IL17RA: variants seen among roughly 807,000 people sequenced by gnomAD.
IL17RA encodes the protein interleukin-17 receptor A.
A neutral mutation model predicts 50.4 loss-of-function variants in IL17RA; 34 were observed. The ratio of observed to expected loss-of-function variants is 0.67; its 90% CI spans 0.51 to 0.90. The LOEUF (loss-of-function observed/expected upper bound fraction) is 0.90. Among genes scored for constraint, IL17RA ranks in the 40% least tolerant of loss-of-function variants. The probability of loss-of-function intolerance (pLI) is 0.00; values close to 1 mark genes in which losing one functional copy is unlikely to be tolerated. For synonymous variants in IL17RA, 585 were observed against 510.4 expected (o/e 1.15, Z -1.97); for missense variants, 1,276 against 1,169.8 (o/e 1.09, Z -1.32).
At position 17,109,179 on chromosome 22, in the gene IL17RA, C is replaced by T. The variant is rs2061428477; in HGVS notation, c.1960C>T (p.Leu654=). ...GAAVAKLEPH[L]QPRGQPAPQP... ...AGCAGTGGCAAAGCTGGAACCTCAC[C>T]TGCAGCCCCGGGGTCAGCCAGCGCC... Residue 654 remains leucine (L), a synonymous_variant, in exon 13 of 13, where the codon CTG becomes TTG. Transcript: ENST00000319363. 2 of 1,525,072 alleles carry T rather than the reference C, an allele frequency of 1.3e-6. No homozygotes were observed. The highest frequency in any genetic ancestry group is 2.0e-5 in the Admixed American group (1 of 50,428). The allele number at this position is 1,525,072 out of a possible 1,614,324, so 94.5% of individuals were successfully genotyped here.
At chr22:17,087,016 C>T (rs2061330586) in intron 1 of IL17RA, among the ~76,000 whole-genome samples, 1 of 152,210 alleles carries the variant, frequency 6.6e-6, no homozygotes, top group Non-Finnish European at 1.5e-5. Flanking sequence ...TGAAGAGAGA[C>T]ACTTGCTGTT....
At position 17,108,690 on chromosome 22, in the gene IL17RA, A is replaced by G. The variant is rs1337156520; in HGVS notation, c.1471A>G (p.Lys491Glu). Residue 491 changes from lysine to glutamate, a missense_variant, in exon 13 of 13, where the codon AAG becomes GAG. Lys to Glu is a moderately conservative substitution (Grantham distance 56). Coordinates refer to ENST00000319363, the MANE Select transcript of IL17RA (RefSeq NM_014339.7). Reference protein sequence around the residue: ...AAMNMILPDFKRPACFGTYVV... With the variant: ...AAMNMILPDFERPACFGTYVV... ...CATGAACATGATCCTCCCGGACTTCAAGAGGCCAGCCTGCTTCGGCACCTA... is the reference window on the plus strand; with the variant it reads ...CATGAACATGATCCTCCCGGACTTCGAGAGGCCAGCCTGCTTCGGCACCTA... The G allele has an allele frequency of 6.2e-7, 1 of 1,609,354 alleles. No homozygotes were observed. The highest frequency in any genetic ancestry group is 8.5e-7 in the Non-Finnish European group (1 of 1,179,860).
chr22:17,089,088 G>A (rs1279844124), intron 1 of IL17RA, among the ~76,000 whole-genome samples: 2 of 151,844 alleles, frequency 1.3e-5, no homozygotes, highest in East Asian at 1.9e-4. Flanking sequence ...GAGCCAATGC[G>A]CCTGGCCAAT....
At chr22:17,104,483 G>A (rs1181720865) in intron 8 of IL17RA, among the ~76,000 whole-genome samples, 1 of 152,090 alleles carries the variant, frequency 6.6e-6, no homozygotes, top group Non-Finnish European at 1.5e-5. Flanking sequence ...GTGGCACCAA[G>A]CACCACTACC....
chr22:17,098,796 G>T lies in IL17RA; in HGVS notation c.332G>T (p.Gly111Val). The change falls in exon 4 of 13, where the codon GGT (glycine) becomes GTT (valine). Residue 111 changes from glycine (G) to valine (V), a missense_variant. Gly to Val is a moderately radical substitution (Grantham distance 109, BLOSUM62 -3). Transcript: ENST00000319363. ...GCAGCCAGCATCCTGTACCTCGAGG[G>T]TGCAGAGTTATCTGTCCTGCAGCTG... ...QTDASILYLEGAELSVLQLNT... is the reference protein window; with the variant it reads ...QTDASILYLEVAELSVLQLNT... 1 of 1,614,142 alleles carries T rather than the reference G, an allele frequency of 6.2e-7. No individual in the cohort carries two copies. Among genetic ancestry groups the T allele is most frequent in the Non-Finnish European group, 8.5e-7 (1 of 1,179,990 alleles).
rs1186749135 is a variant in IL17RA, at chr22:17,085,229, G to A, written c.138G>A (p.Pro46=). The part of the protein sequence containing the change: ...LDHRALVCSQ[P]GLNCTVKNST... ...ACCGGGCGCTGGTCTGCTCCCAGCCGGTGAGACTCGACGTGGGGAGCGGTA... is the reference window on the plus strand; with the variant it reads ...ACCGGGCGCTGGTCTGCTCCCAGCCAGTGAGACTCGACGTGGGGAGCGGTA... The change falls in exon 1 of 13, where the codon CCG becomes CCA. Residue 46 remains proline, a splice_region_variant and synonymous_variant. Transcript: ENST00000319363. 1 of 1,538,378 alleles carries A rather than the reference G, an allele frequency of 6.5e-7. No individual in the cohort carries two copies. The highest frequency in any genetic ancestry group is 8.7e-7 in the Non-Finnish European group (1 of 1,146,104).
At position 17,109,291 on chromosome 22, in the gene IL17RA, C is replaced by T. The variant is rs1449114324; in HGVS notation, c.2072C>T (p.Ala691Val). The part of the protein sequence containing the change: ...VEPGPLADGA[A>V]VRLALAGEGE... ...CCTGGGCCCCTGGCTGACGGTGCCG[C>T]AGTCCGGCTGGCACTGGCGGGGGAG... The change falls in exon 13 of 13, where the codon GCA becomes GTA. Residue 691 changes from alanine (A) to valine (V), a missense_variant. Ala to Val is a moderately conservative substitution (Grantham distance 64). Coordinates refer to ENST00000319363, the MANE Select transcript of IL17RA (RefSeq NM_014339.7). 5 of 1,527,822 alleles carry T rather than the reference C, an allele frequency of 3.3e-6. No individual in the cohort carries two copies. Among genetic ancestry groups the T allele is most frequent in the Non-Finnish European group, 4.4e-6 (5 of 1,141,732 alleles). 94.6% of individuals were successfully genotyped at this position (1,527,822 alleles called of 1,614,324 possible). A position where few individuals can be genotyped will look rare whatever the true frequency, so the allele number is the denominator to read the frequency against.
rs147554210 is a variant in IL17RA, at chr22:17,109,551, C to T, written c.2332C>T (p.Pro778Ser). ...TAGACCCGCCATGGTCCTCACAGAC[C>T]CACACACGCCCTACGAGGAGGAGCA... ...CSRPAMVLTD[P>S]HTPYEEEQRQ... The change falls in exon 13 of 13, where the codon CCA (proline) becomes TCA (serine). Residue 778 changes from proline to serine, a missense_variant. Pro to Ser is a moderately conservative substitution (Grantham distance 74, BLOSUM62 -1). Transcript: ENST00000319363. The T allele has an allele frequency of 1.6e-5, 26 of 1,599,784 alleles. No individual in the cohort carries two copies. The highest frequency in any genetic ancestry group is 2.1e-5 in the Non-Finnish European group (25 of 1,173,290).
At chr22:17,085,523 G>A (rs2061324267) in intron 1 of IL17RA, among the ~76,000 whole-genome samples, 1 of 152,102 alleles carries the variant, frequency 6.6e-6, no homozygotes, top group Non-Finnish European at 1.5e-5. Context: ...ACCTCCGCCC[G>A]GGCCGCGGAG....
At chr22:17,103,423 C>T (rs2061398595) in intron 7 of IL17RA, 71 bp from the exon 8 acceptor site, 1 of 1,247,262 alleles carries the variant, frequency 8.0e-7, no homozygotes, top group Non-Finnish European at 1.2e-6. Flanking sequence ...ATGGCAGTGC[C>T]ACAGCGTGTT....
At chr22:17,098,939 G>C (rs756780922) in intron 4 of IL17RA, 52 bp downstream of exon 4, 3 of 1,431,688 alleles carry the variant, frequency 2.1e-6, no homozygotes, top group Non-Finnish European at 3.0e-6. Flanking sequence ...CACCAGTACA[G>C]ACTTCTTGTC....
At position 17,094,687 on chromosome 22, in the gene IL17RA, C is replaced by CTA. The variant is rs1290093835; in HGVS notation, c.139-2374_139-2373insAT. On this transcript the variant is annotated intron_variant, in intron 1 of 12. Transcript: ENST00000319363. ...TCTCTCTCTCTCTCTCTCTCTCTCT[C>CTA]TCTCTATATATATATATATATATAT... Among the ~76,000 whole-genome samples, 413 of 43,180 alleles carry CTA rather than the reference C, an allele frequency of 9.6e-3. 10 individuals are homozygous for CTA. Among genetic ancestry groups the CTA allele is most frequent in the Non-Finnish European group, 0.014 (332 of 23,864 alleles). 28.3% of individuals were successfully genotyped at this position (43,180 alleles called of 152,430 possible).
rs553653186 is a variant in IL17RA, at chr22:17,099,554, C to T, written c.423+667C>T. On this transcript the variant is annotated intron_variant, in intron 4 of 12. Transcript: ENST00000319363. ...GCTTAACCCTTAAGTCATCACGATG[C>T]GAGCCTTAGTTTGAAGACTACTGGT... Among the ~76,000 whole-genome samples the T allele has an allele frequency of 2.3e-3, 357 of 152,128 alleles. 4 individuals carry two copies. The highest frequency in any genetic ancestry group is 3.0e-3 in the Non-Finnish European group (204 of 67,994).
In IL17RA at chr22:17,102,023, C is replaced by G. The variant is rs773216686; in HGVS notation, c.578C>G (p.Thr193Ser). The change falls in exon 6 of 13, where the codon ACC becomes AGC. Residue 193 changes from threonine to serine, a missense_variant. By Grantham distance (58) the Thr-to-Ser change is moderately conservative. Coordinates refer to ENST00000319363, the MANE Select transcript of IL17RA (RefSeq NM_014339.7). ...TGTGAGCACGCCAGGATGAAGGTAA[C>G]CACGCCATGCATGAGCTCAGGTAAC... The part of the protein sequence containing the change: ...PDCEHARMKV[T>S]TPCMSSGSLW... 1.9e-6 allele frequency: 3 copies of G among 1,614,234 alleles called. No homozygotes were observed. In the South Asian group the frequency reaches 3.3e-5, roughly 18 times the overall value.
intron 1 of IL17RA, among the ~76,000 whole-genome samples, chr22:17,087,954 C>G (rs2123789240): frequency 6.6e-6 from 1 of 152,308 alleles, no homozygotes; most frequent in East Asian, 1.9e-4. Context: ...TTATCTTTTG[C>G]TTGCCAGAAG....
At chr22:17,101,928 C>A in intron 5 of IL17RA, 68 bp from the exon 6 acceptor site, 1 of 1,587,916 alleles carries the variant, frequency 6.3e-7, no homozygotes, top group South Asian at 1.1e-5. Flanking sequence ...TTCTTGGTGT[C>A]AGGAGTCTGG....
In IL17RA at chr22:17,110,053, T is replaced by G. The variant is rs2061434406; in HGVS notation, c.*233T>G. 8.7e-6 allele frequency: 5 copies of G among 574,356 alleles called. No homozygotes were observed. In the East Asian group the frequency reaches 1.5e-4, roughly 17 times the overall value. The allele number at this position is 574,356 out of a possible 1,614,324, so 35.6% of individuals were successfully genotyped here. ...CACACAGCCCGCTCCCAGGAGCTAA[T>G]GGTAGAGCGTCCTTGAGGCTCCATT... On this transcript the variant is annotated 3_prime_UTR_variant, in exon 13 of 13. Transcript: ENST00000319363.
chr22:17,107,945 G>T (rs1165366225), intron 12 of IL17RA, among the ~76,000 whole-genome samples, 177 bp downstream of exon 12: 1 of 152,180 alleles, frequency 6.6e-6, no homozygotes, highest in Non-Finnish European at 1.5e-5. Flanking sequence ...AGGCCTGGGT[G>T]CCATTTTTTG....
Position 17,105,974 on chromosome 22 carries a change from C to G in IL17RA, c.1045+20C>G, listed in dbSNP as rs2061413382. ...TAGCTGGTAAGCGCTGGGGCTCTGG[C>G]TGTCCTGGAGTCAGGCTCTAATACC... On this transcript the variant is annotated intron_variant, in intron 11 of 12. Transcript: ENST00000319363. The G allele has an allele frequency of 6.3e-7, 1 of 1,599,664 alleles. No homozygotes were observed. The highest frequency in any genetic ancestry group is 1.1e-5 in the South Asian group (1 of 90,642).
Sources: gnomAD v4.1 joint callset for allele counts (sites outside exome capture counted in the v4.1 genomes callset) on GRCh38, gnomAD v4.1.1 for gene constraint, MANE v1.5 for transcripts, NCBI Gene and HGNC (gene_info 2026-07-23, HGNC 2026-07-21) for gene names.